The following KPNA1 variants were observed in gnomAD, a reference collection of about 807,000 sequenced individuals.
KPNA1 encodes importin subunit alpha-5.
KPNA1 carries 10 observed loss-of-function variants against 70.5 expected under a neutral mutation model. That is an observed-to-expected ratio of 0.14 (90% CI 0.09 to 0.24). The LOEUF is 0.24. Ranked by LOEUF, KPNA1 falls within the 10% of genes least tolerant of loss-of-function variation. The pLI, the probability that KPNA1 is intolerant of heterozygous loss-of-function variation, is 1.00. For missense variants in KPNA1, 397 were observed against 637.9 expected, an observed-to-expected ratio of 0.62 and a Z score of 4.07; for synonymous variants, 192 against 221.9, an observed-to-expected ratio of 0.87 and a Z score of 1.20.
At chr3:122,464,662 T>A (rs1358782888) in intron 3 of KPNA1, among the ~76,000 whole-genome samples, 1 of 152,246 alleles carries the variant, frequency 6.6e-6, no homozygotes, top group Non-Finnish European at 1.5e-5. Context: ...TTCTTTCTTG[T>A]TTTATTAAAA....
chr3:122,502,885 A>T (rs1054716492), intron 1 of KPNA1, among the ~76,000 whole-genome samples: 2 of 152,108 alleles, frequency 1.3e-5, no homozygotes, highest in African/African-American at 4.8e-5. Flanking sequence ...TGGGAGGCCA[A>T]GGTGGGAGGA....
intron 3 of KPNA1, among the ~76,000 whole-genome samples, chr3:122,464,898 G>A (rs2076363355): frequency 6.6e-6 from 1 of 152,076 alleles, no homozygotes. Flanking sequence ...ATCCTCATAG[G>A]GGAATATATG....
intron 11 of KPNA1, among the ~76,000 whole-genome samples, chr3:122,434,472 C>CA (rs2075958378): frequency 6.6e-6 from 1 of 152,196 alleles, no homozygotes; most frequent in Admixed American, 6.5e-5. Context: ...ACTGGAGCAT[C>CA]AGCCCAGGGT....
In KPNA1 at chr3:122,500,885, C is replaced by T. The variant is rs150999796; in HGVS notation, c.-5-4315G>A. 1.5e-3 allele frequency among the ~76,000 whole-genome samples: 232 copies of T among 151,746 alleles called. 1 individual carries two copies. Among genetic ancestry groups the T allele is most frequent in the African/African-American group, 5.3e-3 (220 of 41,384 alleles). On this transcript the variant is annotated intron_variant, in intron 1 of 13. Transcript: ENST00000344337. ...ATCTTTAATGCTCTCTATTGTTTTC[C>T]TATTCTCTATGTCATTAATTTTCAC...
intron 12 of KPNA1, chr3:122,432,550 T>G (rs1267661394): frequency 6.6e-6 from 1 of 152,230 alleles, no homozygotes; most frequent in Non-Finnish European, 1.5e-5. Context: ...TGTCTGATAT[T>G]ACGTATGAGT....
At chr3:122,471,213 G>A (rs1453300192) in intron 2 of KPNA1, among the ~76,000 whole-genome samples, 5 of 152,198 alleles carry the variant, frequency 3.3e-5, no homozygotes, top group African/African-American at 1.2e-4. Flanking sequence ...GAAGAGGTCA[G>A]CTATAAAATA....
intron 2 of KPNA1, among the ~76,000 whole-genome samples, chr3:122,484,271 T>C (rs563676624): frequency 6.6e-6 from 1 of 152,332 alleles, no homozygotes; most frequent in South Asian, 2.1e-4. Flanking sequence ...AGAATTACAA[T>C]ACACAGCTTT....
At position 122,424,061 on chromosome 3, in the gene KPNA1, A is replaced by G. The variant is rs1349038365; in HGVS notation, c.*2924T>C. Reference sequence around the variant, plus strand: ...TCCAACCACATCTACCTGCTGGTCCATCAGATACCAGATGCCTTTACATCC... The same window carrying G: ...TCCAACCACATCTACCTGCTGGTCCGTCAGATACCAGATGCCTTTACATCC... On this transcript the variant is annotated 3_prime_UTR_variant, in exon 14 of 14. Transcript: ENST00000344337. 3.3e-5 allele frequency: 5 copies of G among 152,218 alleles called. No homozygotes were observed. The highest frequency in any genetic ancestry group is 1.2e-4 in the African/African-American group (5 of 41,460). 9.4% of individuals were successfully genotyped at this position (152,218 alleles called of 1,614,324 possible).
chr3:122,442,097 C>A lies in KPNA1; in HGVS notation c.937G>T (p.Val313Phe). 6.2e-7 allele frequency: 1 copy of A among 1,613,354 alleles called. No homozygotes were observed. Among genetic ancestry groups the A allele is most frequent in the Non-Finnish European group, 8.5e-7 (1 of 1,179,330 alleles). The change falls in exon 10 of 14, where the codon GTT (valine) becomes TTT (phenylalanine). Residue 313 changes from valine (V) to phenylalanine (F), a missense_variant. Coordinates refer to ENST00000344337, the MANE Select transcript of KPNA1 (RefSeq NM_002264.4). ...CCCACAGCTCGCAAAGCAGGAGAAA[C>A]CACTTTATAATCATTATGCCTGCAA... is the stretch of plus-strand genomic sequence containing the variant. ...ELLMHNDYKV[V>F]SPALRAVGNI...
At chr3:122,478,660 G>A (rs565674046) in intron 2 of KPNA1, among the ~76,000 whole-genome samples, 56 of 151,246 alleles carry the variant, frequency 3.7e-4, no homozygotes, top group Non-Finnish European at 2.9e-4. Context: ...CCCAGGAGGC[G>A]GAAGTTGCAG....
At chr3:122,510,733 A>G (rs2076946233) in intron 1 of KPNA1, among the ~76,000 whole-genome samples, 1 of 152,214 alleles carries the variant, frequency 6.6e-6, no homozygotes, top group African/African-American at 2.4e-5. Flanking sequence ...CACTGTATTT[A>G]TAAATATGAA....
At chr3:122,500,659 T>TTA (rs1377074917) in intron 1 of KPNA1, among the ~76,000 whole-genome samples, 1 of 151,714 alleles carries the variant, frequency 6.6e-6, no homozygotes, top group Non-Finnish European at 1.5e-5. Flanking sequence ...CAGATTATTA[T>TTA]TATATATTGG....
At position 122,467,303 on chromosome 3, in the gene KPNA1, A is replaced by C. The variant is rs1005158784; in HGVS notation, c.237+19T>G. ...CATATCTTCATCACAAAAACACTGAAAAGAGTTCATTATCTTACTGGTGCC... is the reference window on the plus strand; with the variant it reads ...CATATCTTCATCACAAAAACACTGACAAGAGTTCATTATCTTACTGGTGCC... On this transcript the variant is annotated intron_variant, in intron 3 of 13. Transcript: ENST00000344337. 7.5e-7 allele frequency: 1 copy of C among 1,334,716 alleles called. No individual in the cohort carries two copies. The highest frequency in any genetic ancestry group is 1.1e-6 in the Non-Finnish European group (1 of 937,272). 82.7% of individuals were successfully genotyped at this position (1,334,716 alleles called of 1,614,324 possible).
intron 12 of KPNA1, among the ~76,000 whole-genome samples, chr3:122,431,944 C>T (rs1031785415): frequency 2.0e-5 from 3 of 151,896 alleles, no homozygotes; most frequent in Non-Finnish European, 4.4e-5. Context: ...GCTGGGATTA[C>T]GGGTGCACGC....
intron 5 of KPNA1, among the ~76,000 whole-genome samples, chr3:122,457,266 C>T (rs1351179116): frequency 1.2e-4 from 18 of 151,626 alleles, no homozygotes; most frequent in Admixed American, 1.2e-3. Context: ...TAGAATTTAA[C>T]ATGAAATAGT....
At chr3:122,469,281 C>T (rs2076415579) in intron 2 of KPNA1, among the ~76,000 whole-genome samples, 2 of 152,042 alleles carry the variant, frequency 1.3e-5, no homozygotes, top group African/African-American at 2.4e-5. Context: ...CCTCCACAAA[C>T]AAGTTTATTG....
intron 11 of KPNA1, 113 bp downstream of exon 11, chr3:122,437,057 G>A: frequency 1.9e-6 from 2 of 1,051,606 alleles, no homozygotes; most frequent in Non-Finnish European, 2.8e-6. Context: ...TGGGATTACA[G>A]GCAGGAGCCA....
Position 122,433,675 on chromosome 3 carries a change from T to C in KPNA1, c.1236A>G (p.Ser412=), listed in dbSNP as rs1576277245. 4 of 1,606,790 alleles carry C rather than the reference T, an allele frequency of 2.5e-6. No individual in the cohort carries two copies. In the East Asian group the frequency reaches 8.9e-5, roughly 36 times the overall value. Residue 412 remains serine, a synonymous_variant, in exon 12 of 14, where the codon TCA becomes TCG. Coordinates refer to ENST00000344337, the MANE Select transcript of KPNA1 (RefSeq NM_002264.4). ...TTGGTACTTACTTGATCTGTTCAGC[T>C]GATCCTCCAGAAGTTGCATTTGTGA... The part of the protein sequence containing the change: ...WAITNATSGG[S]AEQIKYLVEL...
At chr3:122,472,519 T>TA (rs141116442) in intron 2 of KPNA1, among the ~76,000 whole-genome samples, 26 of 151,330 alleles carry the variant, frequency 1.7e-4, no homozygotes, top group Admixed American at 2.0e-4. Flanking sequence ...TCAATCACCT[T>TA]AAAAAAAACA....
Sources: allele counts gnomAD v4.1 joint callset (sites outside exome capture counted in the v4.1 genomes callset), GRCh38; gene constraint gnomAD v4.1.1; transcripts MANE v1.5; gene names NCBI Gene and HGNC (gene_info 2026-07-23, HGNC 2026-07-21).